The following NKD1 variants were observed in gnomAD, a reference collection of about 807,000 sequenced individuals.
NKD1 encodes the protein protein naked cuticle homolog 1.
NKD1 carries 21 observed loss-of-function variants against 56.0 expected under a neutral mutation model. The observed-to-expected ratio is 0.38, with a 90% CI of 0.27 to 0.54. The LOEUF (loss-of-function observed/expected upper bound fraction) is 0.54, where lower values mean the gene tolerates loss of function less well. Ranked by LOEUF, NKD1 falls within the 20% of genes least tolerant of loss-of-function variation. The pLI is 0.82. For synonymous variants in NKD1, 263 were observed against 265.7 expected (o/e 0.99, Z 0.10); for missense variants, 578 against 642.7 (o/e 0.90, Z 1.09).
chr16:50,606,720 G>A (rs757303658), intron 3 of NKD1: 28 of 440,884 alleles, frequency 6.4e-5, no homozygotes, highest in Non-Finnish European at 1.1e-4. Context: ...TGCAGTCAGG[G>A]TGGCAGGCGC....
Position 50,632,726 on chromosome 16 carries a change from C to T in NKD1, c.823+318C>T, listed in dbSNP as rs1962374186. ...CTTTGACCTCTCCTGGCTGTTTCTTCCAGCAAGAACCTCGGTTTCCCTAAG... is the reference window on the plus strand; with the variant it reads ...CTTTGACCTCTCCTGGCTGTTTCTTTCAGCAAGAACCTCGGTTTCCCTAAG... On this transcript the variant is annotated intron_variant, in intron 9 of 9. Coordinates refer to ENST00000268459, the MANE Select transcript of NKD1 (RefSeq NM_033119.5). This position sits in a 1 kb window ranked among gnomAD's most constrained non-coding sequence, Gnocchi z 4.1. Among the ~76,000 whole-genome samples, 1 of 148,908 alleles carries T rather than the reference C, an allele frequency of 6.7e-6. No homozygotes were observed. Among genetic ancestry groups the T allele is most frequent in the Admixed American group, 6.7e-5 (1 of 14,974 alleles).
chr16:50,565,835 A>G (rs370465641), intron 3 of NKD1, among the ~76,000 whole-genome samples: 4 of 152,256 alleles, frequency 2.6e-5, no homozygotes, highest in Admixed American at 1.3e-4. Context: ...ATCAGAATGT[A>G]TAATCTTATT....
At chr16:50,602,266 C>A (rs1034555624) in intron 3 of NKD1, among the ~76,000 whole-genome samples, 1 of 152,136 alleles carries the variant, frequency 6.6e-6, no homozygotes, top group Non-Finnish European at 1.5e-5. Context: ...CCTCTTGTTT[C>A]CTGGGTATAG....
chr16:50,608,125 G>T, intron 3 of NKD1, 169 bp from the exon 4 acceptor site: 1 of 649,776 alleles, frequency 1.5e-6, no homozygotes, highest in Admixed American at 2.1e-5. Context: ...GTTAAGGGCA[G>T]GAGGGACCCA....
rs560849299 is a variant in NKD1 at position 50,624,277 on chromosome 16, T to C, written c.367-1208T>C. On this transcript the variant is annotated intron_variant, in intron 5 of 9. Coordinates refer to ENST00000268459, the MANE Select transcript of NKD1 (RefSeq NM_033119.5). ...CTGAACAGCATGCTTCCTAGAACTG[T>C]CTATCTGACACTCAGCCAGCCTCTG... is the stretch of plus-strand genomic sequence containing the variant. 2.6e-5 allele frequency among the ~76,000 whole-genome samples: 4 copies of C among 152,242 alleles called. No individual in the cohort carries two copies. The South Asian group carries it at 8.3e-4, about 32-fold the overall frequency.
At chr16:50,576,906 A>T (rs1337882750) in intron 3 of NKD1, among the ~76,000 whole-genome samples, 5 of 151,896 alleles carry the variant, frequency 3.3e-5, no homozygotes, top group African/African-American at 1.2e-4. Flanking sequence ...GCAGCATGTG[A>T]CTCCCTGCAG....
chr16:50,592,157 G>A (rs1365791988), intron 3 of NKD1, among the ~76,000 whole-genome samples: 1 of 152,236 alleles, frequency 6.6e-6, no homozygotes, highest in Non-Finnish European at 1.5e-5. Context: ...GCTGGAATAG[G>A]CAGCCGGCTC....
rs1488858169 is a variant in NKD1, at chr16:50,632,577, AT to A, written c.823+171del. Among the ~76,000 whole-genome samples, 1 of 152,208 alleles carries A rather than the reference AT, an allele frequency of 6.6e-6. No homozygotes were observed. The highest frequency in any genetic ancestry group is 1.5e-5 in the Non-Finnish European group (1 of 68,042). On this transcript the variant is annotated intron_variant, in intron 9 of 9. Transcript: ENST00000268459. The surrounding 1 kb of genome is among the most constrained non-coding windows in gnomAD (Gnocchi z 4.1). ...AAGTGACGTTAAAAATGGTTTCAAAATTAAAGTAATACATGCACGAAATCGA... is the reference window on the plus strand; with the variant it reads ...AAGTGACGTTAAAAATGGTTTCAAAATAAAGTAATACATGCACGAAATCGA...
intron 3 of NKD1, among the ~76,000 whole-genome samples, chr16:50,570,571 T>G (rs1405722690): frequency 6.6e-6 from 1 of 152,252 alleles, no homozygotes; most frequent in East Asian, 1.9e-4. Flanking sequence ...TGTCTCTGTT[T>G]CTTCATCTGT....
chr16:50,548,971 C>A, intron 2 of NKD1: 1 of 962,486 alleles, frequency 1.0e-6, no homozygotes. Context: ...ACCCTCAACC[C>A]CTCCCCCTCC....
At chr16:50,621,779 G>A (rs564648842) in intron 5 of NKD1, 71 bp downstream of exon 5, 1 of 1,132,664 alleles carries the variant, frequency 8.8e-7, no homozygotes, top group East Asian at 2.5e-5. Context: ...TTTGGGAGGA[G>A]GGAAGCTGAG....
intron 4 of NKD1, among the ~76,000 whole-genome samples, chr16:50,609,269 G>C (rs2151275630): frequency 6.6e-6 from 1 of 152,398 alleles, no homozygotes; most frequent in Non-Finnish European, 1.5e-5. Flanking sequence ...CACATCTATA[G>C]AATGGGAACA....
chr16:50,550,035 C>A (rs1348997325), intron 3 of NKD1, among the ~76,000 whole-genome samples: 1 of 152,078 alleles, frequency 6.6e-6, no homozygotes, highest in Admixed American at 6.5e-5. Flanking sequence ...GTAGAGCAGG[C>A]GGCCCTCTGG....
intron 3 of NKD1, chr16:50,553,712 G>A (rs1960439706): frequency 6.6e-6 from 1 of 152,268 alleles, no homozygotes; most frequent in African/African-American, 2.4e-5. Flanking sequence ...TTGAGGTAGA[G>A]CATAAATTAA....
Position 50,642,669 on chromosome 16 carries a change from G to A in NKD1, c.*8888G>A, listed in dbSNP as rs1413191809. 1 of 152,246 alleles carries A rather than the reference G, an allele frequency of 6.6e-6. No individual in the cohort carries two copies. The highest frequency in any genetic ancestry group is 2.1e-4 in the South Asian group (1 of 4,832). The allele number at this position is 152,246 out of a possible 1,614,324, so 9.4% of individuals were successfully genotyped here. On this transcript the variant is annotated 3_prime_UTR_variant, in exon 10 of 10. Transcript: ENST00000268459. ...AGAGCCTGGCACGTAATAGGCCCTC[G>A]ATAAGTAAAACAGCAACAGTAGCTG...
chr16:50,548,413 G>T lies in NKD1; in HGVS notation c.-141G>T, dbSNP rs1388714126. 1.8e-5 allele frequency: 4 copies of T among 220,704 alleles called. No individual in the cohort carries two copies. The highest frequency in any genetic ancestry group is 1.6e-4 in the South Asian group (1 of 6,112). The allele number at this position is 220,704 out of a possible 1,614,324, so 13.7% of individuals were successfully genotyped here. A position where few individuals can be genotyped will look rare whatever the true frequency, so the allele number is the denominator to read the frequency against. On this transcript the variant is annotated 5_prime_UTR_variant, in exon 1 of 10. Coordinates refer to ENST00000268459, the MANE Select transcript of NKD1 (RefSeq NM_033119.5). ...CGGGCGTCAGTCGGGCCGCGGCGACGGCGGCAGGAGCGCGTCCCGGCGCCG... is the reference window on the plus strand; with the variant it reads ...CGGGCGTCAGTCGGGCCGCGGCGACTGCGGCAGGAGCGCGTCCCGGCGCCG...
intron 4 of NKD1, among the ~76,000 whole-genome samples, chr16:50,611,754 A>G (rs767671393): frequency 3.9e-5 from 6 of 151,910 alleles, no homozygotes; most frequent in Non-Finnish European, 7.4e-5. Flanking sequence ...GCTTACCCAC[A>G]CTCACTGTGT....
chr16:50,616,626 G>A (rs571479254), intron 4 of NKD1, among the ~76,000 whole-genome samples: 2 of 152,316 alleles, frequency 1.3e-5, no homozygotes, highest in East Asian at 3.9e-4. Flanking sequence ...GGGAGCAGAA[G>A]CCTAGAAGGC....
chr16:50,581,010 A>T (rs900223157), intron 3 of NKD1, among the ~76,000 whole-genome samples: 2 of 152,230 alleles, frequency 1.3e-5, no homozygotes, highest in Non-Finnish European at 2.9e-5. Context: ...GTTTTCTGAA[A>T]AATTAGAGCA....
Sources: gnomAD v4.1 joint callset for allele counts (sites outside exome capture counted in the v4.1 genomes callset) on GRCh38, gnomAD v4.1.1 for gene constraint, Gnocchi (gnomAD v3.1) non-coding constraint, MANE v1.5 for transcripts, NCBI Gene and HGNC (gene_info 2026-07-23, HGNC 2026-07-21) for gene names.